Variants in TNFSF4 observed in about 807,000 individuals in gnomAD.
TNFSF4 encodes tumor necrosis factor ligand superfamily member 4.
In TNFSF4, 4 loss-of-function variants were observed where a neutral mutation model predicts 7.3. The ratio of observed to expected loss-of-function variants is 0.55; its 90% CI spans 0.27 to 1.25. TNFSF4 has a LOEUF of 1.25. Among genes scored for constraint, TNFSF4 ranks in the 50% most tolerant of loss-of-function variants. TNFSF4 has a pLI of 0.12. For synonymous variants in TNFSF4, 76 were observed against 83.7 expected, an observed-to-expected ratio of 0.91 and a Z score of 0.50; for missense variants, 181 against 208.8, an observed-to-expected ratio of 0.87 and a Z score of 0.82.
chr1:173,241,424 G>A, the TNFSF4 span, among the ~76,000 whole-genome samples: 802 of 152,242 alleles, frequency 5.3e-3, 2 homozygotes, highest in Middle Eastern at 0.017. Flanking sequence ...AAGGGACTAC[G>A]AGCATCCATT....
the TNFSF4 span, among the ~76,000 whole-genome samples, chr1:173,221,582 C>A: frequency 1.3e-5 from 2 of 152,168 alleles, no homozygotes; most frequent in African/African-American, 4.8e-5. Context: ...GGCTGAGTAA[C>A]TGTGTGGTGG....
At chr1:173,399,283 G>A in the TNFSF4 span, among the ~76,000 whole-genome samples, 1 of 152,210 alleles carries the variant, frequency 6.6e-6, no homozygotes, top group Non-Finnish European at 1.5e-5. Context: ...ACAGCTGACA[G>A]ATAAGAAGAC....
the TNFSF4 span, among the ~76,000 whole-genome samples, chr1:173,349,122 G>A: frequency 4.6e-5 from 7 of 152,136 alleles, no homozygotes; most frequent in Admixed American, 2.6e-4. Context: ...TCCGCCCCCC[G>A]GGTTCACGCC....
At chr1:173,311,490 C>G in the TNFSF4 span, among the ~76,000 whole-genome samples, 8 of 151,990 alleles carry the variant, frequency 5.3e-5, no homozygotes, top group Admixed American at 5.3e-4. Flanking sequence ...AAGGACCCCT[C>G]TCCTTCACCA....
At chr1:173,299,084 C>T in the TNFSF4 span, among the ~76,000 whole-genome samples, 2 of 151,874 alleles carry the variant, frequency 1.3e-5, no homozygotes, top group Non-Finnish European at 2.9e-5. Context: ...TGTCCTTTAC[C>T]TAACAATAAT....
the TNFSF4 span, among the ~76,000 whole-genome samples, chr1:173,294,726 T>C: frequency 2.2e-4 from 33 of 151,490 alleles, no homozygotes; most frequent in Admixed American, 1.6e-3. Context: ...GGGCAAACAA[T>C]AGAGAAAAAT....
chr1:173,222,610 T>G, the TNFSF4 span, among the ~76,000 whole-genome samples: 1 of 152,176 alleles, frequency 6.6e-6, no homozygotes, highest in Non-Finnish European at 1.5e-5. Flanking sequence ...TCAAGCAAAG[T>G]ACATCCTAAC....
the TNFSF4 span, among the ~76,000 whole-genome samples, chr1:173,367,357 T>C: frequency 6.6e-6 from 1 of 152,202 alleles, no homozygotes; most frequent in African/African-American, 2.4e-5. Context: ...GCCAGATGAA[T>C]CAGCACAGAG....
the TNFSF4 span, among the ~76,000 whole-genome samples, chr1:173,349,954 T>C: frequency 6.6e-6 from 1 of 152,234 alleles, no homozygotes; most frequent in Non-Finnish European, 1.5e-5. Flanking sequence ...AAAAAGTTCC[T>C]GTGTAAACTA....
chr1:173,332,185 C>T, the TNFSF4 span, among the ~76,000 whole-genome samples: 5 of 152,134 alleles, frequency 3.3e-5, no homozygotes, highest in East Asian at 1.9e-4. Flanking sequence ...CCTGAGCAGA[C>T]GTTCACTGTC....
the TNFSF4 span, among the ~76,000 whole-genome samples, chr1:173,356,052 G>A: frequency 2.6e-5 from 4 of 152,184 alleles, no homozygotes; most frequent in Admixed American, 1.3e-4. Context: ...CATCTACAGG[G>A]TTGCCATTCC....
chr1:173,217,595 A>G, the TNFSF4 span, among the ~76,000 whole-genome samples: 1 of 152,242 alleles, frequency 6.6e-6, no homozygotes, highest in Non-Finnish European at 1.5e-5. Context: ...TACCATGGAA[A>G]TTGGTAAACA....
the TNFSF4 span, among the ~76,000 whole-genome samples, chr1:173,382,908 AC>A: frequency 0.55 from 80,301 of 146,106 alleles, 21,404 homozygotes; most frequent in East Asian, 0.62. Context: ...ACACACACAC[AC>A]AAAGGTGCGT....
chr1:173,225,487 T>A, the TNFSF4 span, among the ~76,000 whole-genome samples: 2 of 152,212 alleles, frequency 1.3e-5, no homozygotes, highest in Non-Finnish European at 2.9e-5. Flanking sequence ...TGGTCCAGAA[T>A]TTTTTGCAAT....
chr1:173,329,090 A>G, the TNFSF4 span, among the ~76,000 whole-genome samples: 1 of 152,238 alleles, frequency 6.6e-6, no homozygotes, highest in South Asian at 2.1e-4. Flanking sequence ...TAAATAAACT[A>G]TTATGCATCT....
chr1:173,281,965 C>T, the TNFSF4 span, among the ~76,000 whole-genome samples: 4 of 152,192 alleles, frequency 2.6e-5, no homozygotes, highest in African/African-American at 7.2e-5. Flanking sequence ...ACAACCTCCA[C>T]ACAATCTTCT....
the TNFSF4 span, among the ~76,000 whole-genome samples, chr1:173,264,934 A>C: frequency 6.6e-6 from 1 of 152,126 alleles, no homozygotes; most frequent in Non-Finnish European, 1.5e-5. Flanking sequence ...TCCACTGCCC[A>C]CTCTACAGTA....
the TNFSF4 span, among the ~76,000 whole-genome samples, chr1:173,381,308 T>C: frequency 1.3e-5 from 2 of 152,148 alleles, no homozygotes; most frequent in African/African-American, 4.8e-5. Context: ...GTTTTTACAC[T>C]AACCAGTCAG....
chr1:173,394,987 CAT>C, the TNFSF4 span, among the ~76,000 whole-genome samples: 1,833 of 126,864 alleles, frequency 0.014, 80 homozygotes, highest in African/African-American at 0.051. Flanking sequence ...ATAGAGGACA[CAT>C]AGATAGATAG....
Sources: gnomAD v4.1 joint callset for allele counts (sites outside exome capture counted in the v4.1 genomes callset) on GRCh38, gnomAD v4.1.1 for gene constraint, MANE v1.5 for transcripts, NCBI Gene and HGNC (gene_info 2026-07-23, HGNC 2026-07-21) for gene names.